HACE1: variants seen among roughly 807,000 people sequenced by gnomAD.
The protein encoded by HACE1 is E3 ubiquitin-protein ligase HACE1.
In HACE1, 73 loss-of-function variants were observed where a neutral mutation model predicts 118.4. The ratio of observed to expected loss-of-function variants is 0.62; its 90% CI spans 0.51 to 0.75. The LOEUF is 0.75. HACE1 is among the 30% of genes least tolerant of loss of function. The pLI is 0.00. For synonymous variants in HACE1, 368 were observed against 374.8 expected (o/e 0.98, Z 0.21); for missense variants, 749 against 1,102.2 (o/e 0.68, Z 4.54).
chr6:104,822,728 A>G (rs1772901869), intron 6 of HACE1, among the ~76,000 whole-genome samples: 1 of 150,936 alleles, frequency 6.6e-6, no homozygotes, highest in Middle Eastern at 3.4e-3. Context: ...GTGGTGGTAC[A>G]TGTCTGTAAT....
intron 19 of HACE1, among the ~76,000 whole-genome samples, chr6:104,756,845 A>C: frequency 6.6e-6 from 1 of 152,168 alleles, no homozygotes; most frequent in East Asian, 1.9e-4. Context: ...CTGCCCAAAT[A>C]ATGCACTTTT....
chr6:104,830,051 T>C (rs1271913762), intron 6 of HACE1, among the ~76,000 whole-genome samples: 1 of 152,228 alleles, frequency 6.6e-6, no homozygotes, highest in Non-Finnish European at 1.5e-5. Flanking sequence ...AATTAGCTTT[T>C]ATAAATCTTT....
At chr6:104,792,087 G>A (rs1783081539) in intron 10 of HACE1, among the ~76,000 whole-genome samples, 1 of 152,106 alleles carries the variant, frequency 6.6e-6, no homozygotes, top group Non-Finnish European at 1.5e-5. Flanking sequence ...TAACGAAGAA[G>A]CTAAACTAAA....
intron 22 of HACE1, among the ~76,000 whole-genome samples, chr6:104,738,222 A>G (rs1776162331): frequency 6.6e-6 from 1 of 152,214 alleles, no homozygotes; most frequent in African/African-American, 2.4e-5. Flanking sequence ...TGGGGAAAAA[A>G]CAGAACAGAA....
Position 104,814,621 on chromosome 6 carries a change from AG to A in HACE1, c.535-3229del, listed in dbSNP as rs1469455647. ...GAGATCAAACATGGGAGAGACACTA[AG>A]ATTATTTCTAGGTTTAGAGGGTGAT... On this transcript the variant is annotated intron_variant, in intron 6 of 23. Coordinates refer to ENST00000262903, the MANE Select transcript of HACE1 (RefSeq NM_020771.4). Among the ~76,000 whole-genome samples, 2 of 137,514 alleles carry A rather than the reference AG, an allele frequency of 1.5e-5. 1 individual carries two copies. The highest frequency in any genetic ancestry group is 3.1e-5 in the Non-Finnish European group (2 of 64,112). The allele number at this position is 137,514 out of a possible 152,430, so 90.2% of individuals were successfully genotyped here. A position where few individuals can be genotyped will look rare whatever the true frequency, so the allele number is the denominator to read the frequency against.
chr6:104,802,033 C>CA (rs533831848), intron 7 of HACE1, among the ~76,000 whole-genome samples: 1,208 of 58,640 alleles, frequency 0.021, 12 homozygotes, highest in South Asian at 0.099. Flanking sequence ...AACGAAAAGC[C>CA]AAAAAAAAAA....
chr6:104,824,465 T>C (rs952679350), intron 6 of HACE1, among the ~76,000 whole-genome samples: 10 of 152,306 alleles, frequency 6.6e-5, no homozygotes, highest in African/African-American at 2.2e-4. Flanking sequence ...AAACTGTTCA[T>C]GTGTGCCCAA....
chr6:104,849,433 C>T (rs574905985), intron 3 of HACE1, among the ~76,000 whole-genome samples, 187 bp from the exon 4 acceptor site: 1 of 152,166 alleles, frequency 6.6e-6, no homozygotes, highest in East Asian at 1.9e-4. Context: ...ACCTCCTGGG[C>T]TCAAGCAATC....
chr6:104,768,646 T>A, intron 19 of HACE1, among the ~76,000 whole-genome samples: 1 of 152,002 alleles, frequency 6.6e-6, no homozygotes, highest in East Asian at 1.9e-4. Context: ...ATAAAAAAAA[T>A]GAAAGCTGAG....
intron 22 of HACE1, among the ~76,000 whole-genome samples, chr6:104,739,554 T>A (rs1003351071): frequency 1.1e-4 from 17 of 151,332 alleles, no homozygotes; most frequent in African/African-American, 3.6e-4. Context: ...CCAACAAAGA[T>A]CAAAAGAGAC....
At chr6:104,744,439 C>T (rs904241561) in intron 21 of HACE1, 73 bp downstream of exon 21, 5 of 912,154 alleles carry the variant, frequency 5.5e-6, no homozygotes, top group African/African-American at 1.6e-5. Flanking sequence ...AAGTTTTCAT[C>T]CAATAGTGCT....
intron 17 of HACE1, among the ~76,000 whole-genome samples, chr6:104,775,162 C>T (rs896702967): frequency 9.9e-5 from 15 of 152,032 alleles, no homozygotes; most frequent in Non-Finnish European, 5.9e-5. Context: ...GGCAGCATGG[C>T]GAAACCTCAT....
intron 1 of HACE1, among the ~76,000 whole-genome samples, chr6:104,857,145 TTA>T (rs1776798307): frequency 1.3e-5 from 2 of 148,796 alleles, no homozygotes; most frequent in African/African-American, 2.4e-5. Context: ...AGTAGGAATG[TTA>T]TATATATATT....
At chr6:104,743,785 C>A (rs1380923641) in intron 22 of HACE1, among the ~76,000 whole-genome samples, 1 of 151,690 alleles carries the variant, frequency 6.6e-6, no homozygotes, top group African/African-American at 2.4e-5. Context: ...CCAGGATAAA[C>A]TGAATTGCCT....
intron 22 of HACE1, among the ~76,000 whole-genome samples, chr6:104,743,790 T>C (rs1006321847): frequency 2.6e-5 from 4 of 151,506 alleles, no homozygotes; most frequent in African/African-American, 7.3e-5. Flanking sequence ...ATAAACTGAA[T>C]TGCCTTACTA....
chr6:104,756,093 T>C (rs1026633731), intron 19 of HACE1, among the ~76,000 whole-genome samples: 31 of 151,900 alleles, frequency 2.0e-4, no homozygotes, highest in Admixed American at 5.2e-4. Flanking sequence ...AATGATAAGG[T>C]AGATATCACC....
At chr6:104,742,635 T>C (rs1252362596) in intron 22 of HACE1, among the ~76,000 whole-genome samples, 1 of 150,946 alleles carries the variant, frequency 6.6e-6, no homozygotes, top group Non-Finnish European at 1.5e-5. Context: ...CCAGTTAGAA[T>C]GGCGATCATT....
intron 6 of HACE1, among the ~76,000 whole-genome samples, chr6:104,821,156 G>A (rs1052552002): frequency 8.5e-5 from 13 of 152,190 alleles, no homozygotes; most frequent in African/African-American, 2.6e-4. Context: ...CATGGATACA[G>A]AGGGGAACAA....
chr6:104,821,569 A>C (rs1397034518), intron 6 of HACE1, among the ~76,000 whole-genome samples: 2 of 152,218 alleles, frequency 1.3e-5, no homozygotes, highest in South Asian at 4.1e-4. Flanking sequence ...CAGTGTGCTA[A>C]TAAGCATTTA....
Sources: allele counts gnomAD v4.1 joint callset (sites outside exome capture counted in the v4.1 genomes callset), GRCh38; gene constraint gnomAD v4.1.1; transcripts MANE v1.5; gene names NCBI Gene and HGNC (gene_info 2026-07-23, HGNC 2026-07-21).